Variants in POMK observed in about 807,000 individuals in gnomAD.
The protein encoded by POMK is Sugen kinase 196.
A neutral mutation model predicts 23.0 loss-of-function variants in POMK; 19 were observed. The ratio of observed to expected loss-of-function variants is 0.83; its 90% CI spans 0.58 to 1.21. The LOEUF (loss-of-function observed/expected upper bound fraction) is 1.21. Among genes scored for constraint, POMK ranks in the 50% most tolerant of loss-of-function variants. The pLI is 0.00. For missense variants in POMK, 410 were observed against 431.3 expected, an observed-to-expected ratio of 0.95 and a Z score of 0.44; for synonymous variants, 173 against 171.6, an observed-to-expected ratio of 1.01 and a Z score of -0.06.
At position 43,103,602 on chromosome 8, in the gene POMK, G is replaced by T. The variant is rs201226142; in HGVS notation, c.54G>T (p.Pro18=). The change falls in exon 4 of 5, where the codon CCG becomes CCT. Residue 18 remains proline (P), a synonymous_variant. Transcript: ENST00000331373. ...GAGGCCTCGCCCCCCGAGAGGTGCCGCCAGCTGTTGGGCTGCTGCTGATCA... is the reference window on the plus strand; with the variant it reads ...GAGGCCTCGCCCCCCGAGAGGTGCCTCCAGCTGTTGGGCTGCTGCTGATCA... ...SRRGLAPREV[P]PAVGLLLIMA... 6.2e-7 allele frequency: 1 copy of T among 1,613,840 alleles called. No homozygotes were observed. The highest frequency in any genetic ancestry group is 8.5e-7 in the Non-Finnish European group (1 of 1,179,994).
At chr8:43,109,295 C>G (rs1368125022) in intron 4 of POMK, among the ~76,000 whole-genome samples, 1 of 152,124 alleles carries the variant, frequency 6.6e-6, no homozygotes, top group Non-Finnish European at 1.5e-5. Context: ...CCAAACAAGA[C>G]CCAATGAAGG....
intron 4 of POMK, among the ~76,000 whole-genome samples, chr8:43,114,148 C>G (rs1375129615): frequency 2.0e-5 from 3 of 152,246 alleles, no homozygotes; most frequent in African/African-American, 7.2e-5. Flanking sequence ...AGCTGTCAGA[C>G]AGGGACATTT....
intron 4 of POMK, 25 bp from the exon 5 acceptor site, chr8:43,122,082 G>C: frequency 6.2e-7 from 1 of 1,607,582 alleles, no homozygotes; most frequent in Non-Finnish European, 8.5e-7. Flanking sequence ...GTTCAGGCCT[G>C]ATGCTCTCTA....
chr8:43,111,209 G>C (rs1811653758), intron 4 of POMK, among the ~76,000 whole-genome samples: 1 of 152,156 alleles, frequency 6.6e-6, no homozygotes, highest in African/African-American at 2.4e-5. Context: ...TGGAAAATCG[G>C]GTCACTCCCA....
chr8:43,099,987 C>CT (rs1811405516), intron 2 of POMK, among the ~76,000 whole-genome samples: 1 of 152,200 alleles, frequency 6.6e-6, no homozygotes, highest in African/African-American at 2.4e-5. Context: ...TATTGACTCA[C>CT]TGCAATAAGC....
intron 4 of POMK, among the ~76,000 whole-genome samples, chr8:43,121,274 T>C (rs1413585732): frequency 6.6e-6 from 1 of 152,208 alleles, no homozygotes; most frequent in Non-Finnish European, 1.5e-5. Flanking sequence ...CTGCTTTCTC[T>C]TTTGTAATCT....
intron 4 of POMK, among the ~76,000 whole-genome samples, chr8:43,118,670 G>C (rs1811850368): frequency 6.6e-6 from 1 of 152,180 alleles, no homozygotes; most frequent in Non-Finnish European, 1.5e-5. Context: ...TCAAATATTT[G>C]TGTGTGATCT....
intron 4 of POMK, among the ~76,000 whole-genome samples, chr8:43,104,184 G>A (rs1811503676): frequency 1.3e-5 from 2 of 151,804 alleles, no homozygotes; most frequent in South Asian, 2.1e-4. Flanking sequence ...GTGCAATGGC[G>A]CCATCTCGGT....
At chr8:43,109,388 C>G (rs1227851793) in intron 4 of POMK, among the ~76,000 whole-genome samples, 2 of 152,056 alleles carry the variant, frequency 1.3e-5, no homozygotes, top group East Asian at 3.9e-4. Flanking sequence ...AAAAACCTTT[C>G]ATTATCTTTT....
At chr8:43,105,646 G>A (rs543678393) in intron 4 of POMK, among the ~76,000 whole-genome samples, 23 of 152,184 alleles carry the variant, frequency 1.5e-4, no homozygotes, top group African/African-American at 4.3e-4. Context: ...AATAAACATC[G>A]GGATGCACAT....
At chr8:43,106,310 T>G (rs1811543221) in intron 4 of POMK, among the ~76,000 whole-genome samples, 1 of 152,166 alleles carries the variant, frequency 6.6e-6, no homozygotes, top group Non-Finnish European at 1.5e-5. Flanking sequence ...GAATGTCAGT[T>G]TAGATCATTT....
intron 4 of POMK, among the ~76,000 whole-genome samples, chr8:43,106,902 C>T (rs1811555300): frequency 6.6e-6 from 1 of 152,148 alleles, no homozygotes; most frequent in Non-Finnish European, 1.5e-5. Context: ...GGCCATTGAT[C>T]ACTCTAGCTT....
chr8:43,109,496 A>C (rs1811605951), intron 4 of POMK, among the ~76,000 whole-genome samples: 1 of 152,154 alleles, frequency 6.6e-6, no homozygotes. Flanking sequence ...ACATCTTATA[A>C]ATCTGTCTAG....
chr8:43,114,456 C>T lies in POMK; in HGVS notation c.283-7651C>T, dbSNP rs187399631. Reference sequence around the variant, plus strand: ...CTCCTGGTGTGCCGTTTTTTAAGCCCGTGGGAAAAGTGCAGTATTAGGGTG... The same window carrying T: ...CTCCTGGTGTGCCGTTTTTTAAGCCTGTGGGAAAAGTGCAGTATTAGGGTG... On this transcript the variant is annotated intron_variant, in intron 4 of 4. Coordinates refer to ENST00000331373, the MANE Select transcript of POMK (RefSeq NM_032237.5). Among the ~76,000 whole-genome samples, 43 of 152,324 alleles carry T rather than the reference C, an allele frequency of 2.8e-4. No individual in the cohort carries two copies. In the East Asian group the frequency reaches 5.4e-3, roughly 19 times the overall value.
In POMK at chr8:43,103,684, C is replaced by G; in HGVS notation, c.136C>G (p.Arg46Gly). The G allele has an allele frequency of 6.2e-7, 1 of 1,614,044 alleles. No homozygotes were observed. The highest frequency in any genetic ancestry group is 1.1e-5 in the South Asian group (1 of 91,070). ...LCLDHFFIAPRQSTVDPTHCP... is the reference protein window; with the variant it reads ...LCLDHFFIAPGQSTVDPTHCP... ...CCTCGACCACTTCTTCATCGCTCCT[C>G]GACAATCCACTGTGGACCCCACACA... is the stretch of plus-strand genomic sequence containing the variant. The change falls in exon 4 of 5, where the codon CGA (arginine) becomes GGA (glycine). Residue 46 changes from arginine to glycine, a missense_variant. Physicochemically the swap from Arg to Gly is moderately radical, Grantham distance 125. Transcript: ENST00000331373.
At chr8:43,119,580 G>A (rs757747323) in intron 4 of POMK, among the ~76,000 whole-genome samples, 12 of 151,592 alleles carry the variant, frequency 7.9e-5, no homozygotes, top group South Asian at 4.2e-4. Context: ...CTGCAGGCGC[G>A]CGCCACCACG....
intron 4 of POMK, among the ~76,000 whole-genome samples, chr8:43,111,142 G>A (rs923086794): frequency 5.1e-4 from 77 of 152,212 alleles, no homozygotes; most frequent in African/African-American, 1.8e-3. Context: ...CACCCGGGAA[G>A]CGTAAGGAGT....
chr8:43,100,456 A>G (rs1013121268), intron 2 of POMK, among the ~76,000 whole-genome samples: 1 of 151,660 alleles, frequency 6.6e-6, no homozygotes, highest in South Asian at 2.1e-4. Flanking sequence ...GGTGTGTGCT[A>G]ATAGGCCTCT....
At chr8:43,118,304 A>G (rs1378314485) in intron 4 of POMK, among the ~76,000 whole-genome samples, 1 of 152,194 alleles carries the variant, frequency 6.6e-6, no homozygotes, top group African/African-American at 2.4e-5. Context: ...AAAGAGCTGC[A>G]ATGTATGTAT....
Sources: gnomAD v4.1 joint callset for allele counts (sites outside exome capture counted in the v4.1 genomes callset) on GRCh38, gnomAD v4.1.1 for gene constraint, MANE v1.5 for transcripts, NCBI Gene and HGNC (gene_info 2026-07-23, HGNC 2026-07-21) for gene names.